Variants in ZBTB47 observed in about 807,000 individuals in gnomAD.
ZBTB47 encodes zinc finger and BTB domain-containing protein 47.
In ZBTB47, 24 loss-of-function variants were observed where a neutral mutation model predicts 56.6. The observed-to-expected ratio is 0.42, with a 90% CI of 0.31 to 0.60. The LOEUF (loss-of-function observed/expected upper bound fraction) is 0.60, where lower values mean the gene tolerates loss of function less well. Among genes scored for constraint, ZBTB47 ranks in the 20% least tolerant of loss-of-function variants. The probability of loss-of-function intolerance (pLI) is 0.14; values close to 1 mark genes in which losing one functional copy is unlikely to be tolerated. For missense variants in ZBTB47, 829 were observed against 1,032.6 expected, an observed-to-expected ratio of 0.80 and a Z score of 2.70; for synonymous variants, 414 against 418.9, an observed-to-expected ratio of 0.99 and a Z score of 0.14.
intron 1 of ZBTB47, among the ~76,000 whole-genome samples, chr3:42,657,837 G>T (rs981390214): frequency 1.3e-5 from 2 of 152,248 alleles, no homozygotes; most frequent in Middle Eastern, 6.8e-3. Context: ...AATGCCTGTG[G>T]CCCTCCTGGG....
At chr3:42,655,067 G>C (rs991611177) in intron 1 of ZBTB47, among the ~76,000 whole-genome samples, 26 of 152,200 alleles carry the variant, frequency 1.7e-4, no homozygotes, top group Admixed American at 1.6e-3. Flanking sequence ...CCCTGCCTGG[G>C]GATTCGGGAT....
At chr3:42,661,782 G>A in intron 3 of ZBTB47, 150 bp downstream of exon 3, 2 of 1,097,344 alleles carry the variant, frequency 1.8e-6, no homozygotes, top group Non-Finnish European at 2.5e-6. Flanking sequence ...GGTTCCAGTG[G>A]CAGGTGTAGC....
At position 42,654,140 on chromosome 3, in the gene ZBTB47, G is replaced by C. The variant is rs1055386628; in HGVS notation, c.-82+257G>C. On this transcript the variant is annotated intron_variant, in intron 1 of 5. Transcript: ENST00000232974. The surrounding 1 kb of genome is among the most constrained non-coding windows in gnomAD (Gnocchi z 5.0). The stretch of plus-strand genomic sequence containing the variant: ...CGGGGCCCGGCGCGCTCAGCTTCCT[G>C]ATTTCACGGCAGCTTCCTATCCTGG... 6.6e-6 allele frequency: 1 copy of C among 152,044 alleles called. No individual in the cohort carries two copies. The highest frequency in any genetic ancestry group is 2.4e-5 in the African/African-American group (1 of 41,378). The allele number at this position is 152,044 out of a possible 1,614,324, so 9.4% of individuals were successfully genotyped here.
rs1022447924 is a variant in ZBTB47 at position 42,666,482 on chromosome 3, A to T, written c.*1884A>T. 2.6e-5 allele frequency among the ~76,000 whole-genome samples: 4 copies of T among 151,826 alleles called. No homozygotes were observed. Among genetic ancestry groups the T allele is most frequent in the Non-Finnish European group, 4.4e-5 (3 of 67,962 alleles). ...TCAGGGTCCCCCCCTCCCTGTTGCT[A>T]TTTTTAATCTCTAGTCCCAGTGCCT... On this transcript the variant is annotated 3_prime_UTR_variant, in exon 6 of 6. Transcript: ENST00000232974.
At chr3:42,653,281 C>T (rs1005675318), upstream of ZBTB47, among the ~76,000 whole-genome samples, 1 of 152,226 alleles carries the variant, frequency 6.6e-6, no homozygotes, top group Non-Finnish European at 1.5e-5. Flanking sequence ...ACCAAGTCAC[C>T]CTGAGCCAGC....
chr3:42,664,425 G>A lies in ZBTB47; in HGVS notation c.2071G>A (p.Gly691Ser), dbSNP rs773160383. ...CTTCCGCGTCAGCCACACCCTGGCC[G>A]GCGACGGCGTCCCCGCTGCCCCAGG... Reference protein sequence around the residue: ...KCFRVSHTLAGDGVPAAPGLP... With the variant: ...KCFRVSHTLASDGVPAAPGLP... The change falls in exon 6 of 6, where the codon GGC becomes AGC. Residue 691 changes from glycine (G) to serine (S), a missense_variant. Physicochemically the swap from Gly to Ser is moderately conservative, Grantham distance 56. Coordinates refer to ENST00000232974, the MANE Select transcript of ZBTB47 (RefSeq NM_145166.4). 2.5e-5 allele frequency: 39 copies of A among 1,549,484 alleles called. No homozygotes were observed. The Admixed American group carries it at 3.5e-4, about 14-fold the overall frequency.
chr3:42,660,098 G>T (rs886801392), intron 2 of ZBTB47, among the ~76,000 whole-genome samples: 6 of 152,254 alleles, frequency 3.9e-5, no homozygotes, highest in African/African-American at 1.4e-4. Context: ...CCCTTGGCCA[G>T]AGGGACAAAG....
At position 42,659,713 on chromosome 3, in the gene ZBTB47, A is replaced by C. The variant is rs201418316; in HGVS notation, c.1358A>C (p.Lys453Thr). The C allele has an allele frequency of 1.2e-4, 197 of 1,613,688 alleles. No homozygotes were observed. Among genetic ancestry groups the C allele is most frequent in the Non-Finnish European group, 1.5e-5 (18 of 1,179,812 alleles). Residue 453 changes from lysine (K) to threonine (T), a missense_variant, in exon 2 of 6, where the codon AAA (lysine) becomes ACA (threonine). By Grantham distance (78) the Lys-to-Thr change is moderately conservative. Coordinates refer to ENST00000232974, the MANE Select transcript of ZBTB47 (RefSeq NM_145166.4). ...TTCAACAACCGCTGGTACCTGGAGA[A>C]ACACATGAATGTGACCCACAGCCGC... The part of the protein sequence containing the change: ...RVFNNRWYLE[K>T]HMNVTHSRMQ...
rs1710743320 is a variant in ZBTB47, at chr3:42,663,237, CAGAA to C, written c.1737+114_1737+117del. On this transcript the variant is annotated intron_variant, in intron 4 of 5. Coordinates refer to ENST00000232974, the MANE Select transcript of ZBTB47 (RefSeq NM_145166.4). This position sits in a 1 kb window ranked among gnomAD's most constrained non-coding sequence, Gnocchi z 5.1. ...GGGCTAGGGGGTGGAATGTAGTGTC[CAGAA>C]AGAGAGAGCCCTGCCCTCTGAGGTC... 2 of 804,294 alleles carry C rather than the reference CAGAA, an allele frequency of 2.5e-6. No individual in the cohort carries two copies. Among genetic ancestry groups the C allele is most frequent in the Non-Finnish European group, 4.2e-6 (2 of 480,620 alleles). The allele number at this position is 804,294 out of a possible 1,614,324, so 49.8% of individuals were successfully genotyped here.
Position 42,666,268 on chromosome 3 carries a change from T to C in ZBTB47, c.*1670T>C, listed in dbSNP as rs1329497418. Among the ~76,000 whole-genome samples, 3 of 152,212 alleles carry C rather than the reference T, an allele frequency of 2.0e-5. No homozygotes were observed. The highest frequency in any genetic ancestry group is 2.0e-4 in the Admixed American group (3 of 15,286). ...CAGTGCCAGCAGCTTCCTTGCCCAA[T>C]TGATGTTGGAGCTGTAGACGTACGC... is the stretch of plus-strand genomic sequence containing the variant. On this transcript the variant is annotated 3_prime_UTR_variant, in exon 6 of 6. Transcript: ENST00000232974.
chr3:42,664,227 C>T lies in ZBTB47; in HGVS notation c.1883-10C>T, dbSNP rs373774518. ...TCACTGACGCCCTGCTGCCCACCCCCAACCCCCAGGAGAGAAGCCGTACAT... is the reference window on the plus strand; with the variant it reads ...TCACTGACGCCCTGCTGCCCACCCCTAACCCCCAGGAGAGAAGCCGTACAT... On this transcript the variant is annotated splice_polypyrimidine_tract_variant and intron_variant, in intron 5 of 5. Coordinates refer to ENST00000232974, the MANE Select transcript of ZBTB47 (RefSeq NM_145166.4). 7.4e-6 allele frequency: 12 copies of T among 1,612,990 alleles called. No individual in the cohort carries two copies. In the African/African-American group the frequency reaches 9.3e-5, roughly 13 times the overall value.
At position 42,664,462 on chromosome 3, in the gene ZBTB47, C is replaced by T; in HGVS notation, c.2108C>T (p.Thr703Ile). 1 of 1,518,602 alleles carries T rather than the reference C, an allele frequency of 6.6e-7. No individual in the cohort carries two copies. The highest frequency in any genetic ancestry group is 1.2e-5 in the South Asian group (1 of 81,292). 94.1% of individuals were successfully genotyped at this position (1,518,602 alleles called of 1,614,324 possible). A position where few individuals can be genotyped will look rare whatever the true frequency, so the allele number is the denominator to read the frequency against. The change falls in exon 6 of 6, where the codon ACC becomes ATC. Residue 703 changes from threonine (T) to isoleucine (I), a missense_variant. Physicochemically the swap from Thr to Ile is moderately conservative, Grantham distance 89. Coordinates refer to ENST00000232974, the MANE Select transcript of ZBTB47 (RefSeq NM_145166.4). ...GVPAAPGLPP[T>I]QPQAHALPLL... ...CCCGCTGCCCCAGGCCTGCCCCCAA[C>T]CCAGCCCCAGGCGCACGCACTGCCC...
Position 42,663,083 on chromosome 3 carries a change from G to T in ZBTB47, c.1693G>T (p.Val565Leu), listed in dbSNP as rs1430435139. The stretch of plus-strand genomic sequence containing the variant: ...CTTCAAGCGCAGCATGTCCCTCAAG[G>T]TGCACTCACTGCAGCACTCAGGGGA... Reference protein sequence around the residue: ...KSFKRSMSLKVHSLQHSGEKP... With the variant: ...KSFKRSMSLKLHSLQHSGEKP... The change falls in exon 4 of 6, where the codon GTG (valine) becomes TTG (leucine). Residue 565 changes from valine to leucine, a missense_variant. By Grantham distance (32) the Val-to-Leu change is conservative. This residue lies in a region of ZBTB47 where 187 missense variants were observed against 253.1 expected (regional missense o/e 0.74). Transcript: ENST00000232974. The surrounding 1 kb of genome is among the most constrained non-coding windows in gnomAD (Gnocchi z 5.1). 1.2e-6 allele frequency: 2 copies of T among 1,613,908 alleles called. No homozygotes were observed. Among genetic ancestry groups the T allele is most frequent in the Non-Finnish European group, 1.7e-6 (2 of 1,179,804 alleles).
At chr3:42,661,253 CT>C (rs1352986899) in intron 2 of ZBTB47, among the ~76,000 whole-genome samples, 1 of 152,168 alleles carries the variant, frequency 6.6e-6, no homozygotes, top group East Asian at 1.9e-4. Context: ...GAGGTGACCC[CT>C]GACCCTAGTT....
rs1710785430 is a variant in ZBTB47 at position 42,666,088 on chromosome 3, C to T, written c.*1490C>T. ...TGAACCCCTCTGACCTTATGAGGCCCATGGCACTGGGGCAGGGAGCTGGGG... is the reference window on the plus strand; with the variant it reads ...TGAACCCCTCTGACCTTATGAGGCCTATGGCACTGGGGCAGGGAGCTGGGG... On this transcript the variant is annotated 3_prime_UTR_variant, in exon 6 of 6. Coordinates refer to ENST00000232974, the MANE Select transcript of ZBTB47 (RefSeq NM_145166.4). 6.6e-6 allele frequency among the ~76,000 whole-genome samples: 1 copy of T among 152,196 alleles called. No individual in the cohort carries two copies. Among genetic ancestry groups the T allele is most frequent in the African/African-American group, 2.4e-5 (1 of 41,446 alleles).
At position 42,654,288 on chromosome 3, in the gene ZBTB47, G is replaced by C. The variant is rs1318799985; in HGVS notation, c.-82+405G>C. 9 of 151,784 alleles carry C rather than the reference G, an allele frequency of 5.9e-5. No homozygotes were observed. In the East Asian group the frequency reaches 1.8e-3, roughly 30 times the overall value. 9.4% of individuals were successfully genotyped at this position (151,784 alleles called of 1,614,324 possible). ...TCTATCTGCTCGGATATGAGCAGTGGGGACGGGCTGGGGGCTGGAGCTGGG... is the reference window on the plus strand; with the variant it reads ...TCTATCTGCTCGGATATGAGCAGTGCGGACGGGCTGGGGGCTGGAGCTGGG... On this transcript the variant is annotated intron_variant, in intron 1 of 5. Transcript: ENST00000232974. The surrounding 1 kb of genome is among the most constrained non-coding windows in gnomAD (Gnocchi z 5.0).
intron 3 of ZBTB47, 36 bp from the exon 4 acceptor site, chr3:42,662,976 C>G: frequency 1.3e-6 from 2 of 1,530,232 alleles, no homozygotes; most frequent in Non-Finnish European, 1.8e-6. Context: ...TTGGGCAGGC[C>G]CGTAAAACAT....
Position 42,659,161 on chromosome 3 carries a change from A to G in ZBTB47, c.806A>G (p.Glu269Gly), listed in dbSNP as rs1414421397. The G allele has an allele frequency of 6.6e-7, 1 of 1,517,170 alleles. No individual in the cohort carries two copies. The highest frequency in any genetic ancestry group is 2.0e-5 in the Admixed American group (1 of 49,660). The allele number at this position is 1,517,170 out of a possible 1,614,324, so 94.0% of individuals were successfully genotyped here. Residue 269 changes from glutamate (E) to glycine (G), a missense_variant, in exon 2 of 6, where the codon GAG (glutamate) becomes GGG (glycine). Glu to Gly is a moderately conservative substitution (Grantham distance 98). Coordinates refer to ENST00000232974, the MANE Select transcript of ZBTB47 (RefSeq NM_145166.4). ...PSPATVVLGR[E>G]DGLQRHSDEE... ...CCAGCCACCGTGGTTCTGGGCCGGG[A>G]GGACGGGCTGCAGAGACACTCGGAC...
Position 42,659,328 on chromosome 3 carries a change from CAGGAAGAGGAAG to C in ZBTB47, c.978_989del (p.Glu332_Glu335del), listed in dbSNP as rs762479958. On this transcript the variant is annotated inframe_deletion, in exon 2 of 6. Transcript: ENST00000232974. ...AGAGGAGGAGGACGGGCACAGTGAG[CAGGAAGAGGAAG>C]AGGAGGAGGAAGAGGAGGAAGGGCC... 161 of 1,456,718 alleles carry C rather than the reference CAGGAAGAGGAAG, an allele frequency of 1.1e-4. No homozygotes were observed. The highest frequency in any genetic ancestry group is 3.5e-4 in the Admixed American group (17 of 48,890). The allele number at this position is 1,456,718 out of a possible 1,614,324, so 90.2% of individuals were successfully genotyped here.
Sources: gnomAD v4.1 joint callset for allele counts (sites outside exome capture counted in the v4.1 genomes callset) on GRCh38, gnomAD v4.1.1 for gene constraint, gnomAD v4.1.1 regional missense constraint, Gnocchi (gnomAD v3.1) non-coding constraint, MANE v1.5 for transcripts, NCBI Gene and HGNC (gene_info 2026-07-23, HGNC 2026-07-21) for gene names.